Variants in DPH6 observed in about 807,000 individuals in gnomAD.
DPH6 encodes diphthamine biosynthesis 6.
A neutral mutation model predicts 38.2 loss-of-function variants in DPH6; 33 were observed. That is an observed-to-expected ratio of 0.86 (90% CI 0.65 to 1.15). The LOEUF (loss-of-function observed/expected upper bound fraction) is 1.15. Ranked by LOEUF, DPH6 falls within the 50% of genes most tolerant of loss-of-function variation. The pLI, the probability that DPH6 is intolerant of heterozygous loss-of-function variation, is 0.00. For synonymous variants in DPH6, 108 were observed against 103.0 expected (o/e 1.05, Z -0.30); for missense variants, 325 against 320.0 (o/e 1.02, Z -0.12).
In DPH6 at chr15:35,538,276, TAAC is replaced by T. The variant is rs761563653; in HGVS notation, c.307_309del (p.Val103del). The T allele has an allele frequency of 3.9e-6, 6 of 1,534,694 alleles. No homozygotes were observed. In the African/African-American group the frequency reaches 8.1e-5, roughly 21 times the overall value. ...ACTTAATTGGTTACTCTGCATACCT[TAAC>T]AAGTTTCAAAAGCTCATAGAGATCT... On this transcript the variant is annotated inframe_deletion, in exon 3 of 9. Transcript: ENST00000256538.
intron 3 of DPH6, among the ~76,000 whole-genome samples, chr15:35,351,179 A>C (rs774972581): frequency 1.3e-5 from 2 of 152,042 alleles, no homozygotes; most frequent in Non-Finnish European, 2.9e-5. Context: ...CTCTTGTGAC[A>C]ATTTTTGACT....
At chr15:35,327,899 A>T (rs1056070513), downstream of DPH6, among the ~76,000 whole-genome samples, 6 of 152,188 alleles carry the variant, frequency 3.9e-5, no homozygotes, top group Non-Finnish European at 5.9e-5. Flanking sequence ...TTACCAACTT[A>T]TACCATGACC....
intron 3 of DPH6, among the ~76,000 whole-genome samples, chr15:35,492,581 G>A (rs539800715): frequency 1.3e-4 from 20 of 152,192 alleles, no homozygotes; most frequent in African/African-American, 3.9e-4. Context: ...TGGCCACCAC[G>A]GACTGAGATT....
intron 3 of DPH6, among the ~76,000 whole-genome samples, chr15:35,478,513 G>T (rs1009267670): frequency 1.3e-5 from 2 of 151,576 alleles, no homozygotes; most frequent in African/African-American, 4.8e-5. Flanking sequence ...ATTTCTAATA[G>T]AATATTTCAA....
intron 5 of DPH6, among the ~76,000 whole-genome samples, chr15:35,419,167 C>T (rs867210701): frequency 9.9e-5 from 15 of 151,918 alleles, no homozygotes; most frequent in African/African-American, 2.7e-4. Context: ...TTTTAAAACT[C>T]GAATTGTTTT....
the DPH6 span, among the ~76,000 whole-genome samples, chr15:35,150,140 T>C: frequency 6.6e-6 from 1 of 152,148 alleles, no homozygotes; most frequent in Non-Finnish European, 1.5e-5. Flanking sequence ...GACCAGCAAA[T>C]TGGAAGTTGG....
chr15:35,202,123 C>A, the DPH6 span, among the ~76,000 whole-genome samples: 1 of 151,888 alleles, frequency 6.6e-6, no homozygotes, highest in African/African-American at 2.4e-5. Context: ...CAGATATAAT[C>A]TATCTATATA....
chr15:35,317,073 C>T (rs2052196235), intron 3 of DPH6, among the ~76,000 whole-genome samples: 1 of 152,038 alleles, frequency 6.6e-6, no homozygotes, highest in Admixed American at 6.6e-5. Flanking sequence ...GCCTGGGCAA[C>T]ATGGTGAAAC....
chr15:35,513,985 G>A (rs2054811715), intron 3 of DPH6, among the ~76,000 whole-genome samples: 1 of 151,884 alleles, frequency 6.6e-6, no homozygotes, highest in African/African-American at 2.4e-5. Flanking sequence ...CTGCTTGACT[G>A]ATCAATTGAT....
chr15:35,535,220 A>T (rs2055151559), intron 3 of DPH6, among the ~76,000 whole-genome samples: 1 of 152,208 alleles, frequency 6.6e-6, no homozygotes, highest in Non-Finnish European at 1.5e-5. Flanking sequence ...GAACAAAAAC[A>T]GGCCACCTAA....
intron 3 of DPH6, among the ~76,000 whole-genome samples, chr15:35,363,072 T>C (rs373179946): frequency 2.0e-5 from 3 of 152,200 alleles, no homozygotes; most frequent in African/African-American, 7.2e-5. Context: ...ATAACTAACT[T>C]TTGTATAATT....
chr15:35,162,743 C>A, the DPH6 span, among the ~76,000 whole-genome samples: 4 of 151,910 alleles, frequency 2.6e-5, no homozygotes, highest in Non-Finnish European at 4.4e-5. Context: ...TGAACCCACA[C>A]TGCTAAGAAG....
intron 3 of DPH6, among the ~76,000 whole-genome samples, chr15:35,339,322 T>C (rs2052402385): frequency 6.6e-6 from 1 of 151,300 alleles, no homozygotes; most frequent in African/African-American, 2.4e-5. Context: ...TTCATTATTA[T>C]TATTATTATT....
At chr15:35,211,318 C>T in the DPH6 span, among the ~76,000 whole-genome samples, 3 of 152,068 alleles carry the variant, frequency 2.0e-5, no homozygotes, top group African/African-American at 7.2e-5. Context: ...TATTAAAGCT[C>T]AGTGAAAAGA....
intron 5 of DPH6, among the ~76,000 whole-genome samples, chr15:35,433,952 A>G (rs1280064498): frequency 6.6e-6 from 1 of 152,212 alleles, no homozygotes; most frequent in Non-Finnish European, 1.5e-5. Flanking sequence ...AGGGAGGTAG[A>G]GATATCTTTA....
chr15:35,208,064 C>T, the DPH6 span, among the ~76,000 whole-genome samples: 1 of 151,834 alleles, frequency 6.6e-6, no homozygotes, highest in Non-Finnish European at 1.5e-5. Context: ...AATTGGGATC[C>T]ACATCTGTGG....
In DPH6 at chr15:35,453,284, C is replaced by CAT. The variant is rs1044364002; in HGVS notation, c.386+1461_386+1462dup. Among the ~76,000 whole-genome samples the CAT allele has an allele frequency of 1.1e-4, 17 of 152,128 alleles. No individual in the cohort carries two copies. In the East Asian group the frequency reaches 1.2e-3, roughly 10 times the overall value. ...ATGGGCATGACATGTGCCCTTCTTC[C>CAT]ATATATATATACACATATATGTAAT... is the stretch of plus-strand genomic sequence containing the variant. On this transcript the variant is annotated intron_variant, in intron 4 of 8. Transcript: ENST00000256538.
At chr15:35,233,074 G>A (rs2051529039) in intron 3 of DPH6, among the ~76,000 whole-genome samples, 1 of 152,182 alleles carries the variant, frequency 6.6e-6, no homozygotes. Context: ...TTGGGAGGCT[G>A]CGGTGGGGGG....
chr15:35,482,187 C>G (rs145095251), intron 3 of DPH6, among the ~76,000 whole-genome samples: 167 of 152,256 alleles, frequency 1.1e-3, no homozygotes, highest in African/African-American at 3.4e-3. Flanking sequence ...TCCTGGCAAA[C>G]GAACTGAAAA....
Sources: allele counts gnomAD v4.1 joint callset (sites outside exome capture counted in the v4.1 genomes callset), GRCh38; gene constraint gnomAD v4.1.1; transcripts MANE v1.5; gene names NCBI Gene and HGNC (gene_info 2026-07-23, HGNC 2026-07-21).